The following ESRP1 variants were observed in gnomAD, a reference collection of about 807,000 sequenced individuals.
The protein encoded by ESRP1 is RNA-binding motif protein 35A.
Under a neutral mutation model 81.7 loss-of-function variants are expected in ESRP1, and 33 were observed. That is an observed-to-expected ratio of 0.40 (90% CI 0.31 to 0.54). The LOEUF (loss-of-function observed/expected upper bound fraction) is 0.54. ESRP1 is among the 20% of genes least tolerant of loss of function. ESRP1 has a pLI of 0.41. For missense variants in ESRP1, 672 were observed against 833.1 expected (o/e 0.81, Z 2.38); for synonymous variants, 320 against 303.3 (o/e 1.06, Z -0.57).
In ESRP1 at chr8:94,686,860, A is replaced by C. The variant is rs148333540; in HGVS notation, c.1821-5817A>C. On this transcript the variant is annotated intron_variant, in intron 13 of 15. Coordinates refer to ENST00000433389, the MANE Select transcript of ESRP1 (RefSeq NM_017697.4). ...TCTTTTTTAAGAACTTTTTATTCTT[A>C]TTTGGCGTGCAATTAGAAAATTTCA... Among the ~76,000 whole-genome samples the C allele has an allele frequency of 3.9e-3, 599 of 152,266 alleles. 5 individuals are homozygous for C. Among genetic ancestry groups the C allele is most frequent in the African/African-American group, 0.014 (579 of 41,556 alleles).
chr8:94,642,091 AC>A lies in ESRP1; in HGVS notation c.261+11del. On this transcript the variant is annotated splice_region_variant and intron_variant, in intron 2 of 15. Transcript: ENST00000433389. ...GGACCAAGCCCTCCGACAGGTGACA[AC>A]CCCGGGTCACGCCACCCACCCCAGC... 1.9e-6 allele frequency: 3 copies of A among 1,608,528 alleles called. No individual in the cohort carries two copies. Among genetic ancestry groups the A allele is most frequent in the Non-Finnish European group, 2.5e-6 (3 of 1,179,266 alleles).
At chr8:94,658,275 G>A (rs189957694) in intron 4 of ESRP1, among the ~76,000 whole-genome samples, 4 of 152,270 alleles carry the variant, frequency 2.6e-5, no homozygotes, top group Admixed American at 2.6e-4. Flanking sequence ...GGGTTATTAT[G>A]AGAATTGGAA....
At chr8:94,649,377 T>C (rs915877292) in intron 4 of ESRP1, among the ~76,000 whole-genome samples, 1 of 152,166 alleles carries the variant, frequency 6.6e-6, no homozygotes, top group Non-Finnish European at 1.5e-5. Context: ...TAGGCTTTAT[T>C]TTTTTGAGAT....
intron 15 of ESRP1, among the ~76,000 whole-genome samples, 180 bp downstream of exon 15, chr8:94,697,141 G>A (rs1259477157): frequency 6.6e-6 from 1 of 152,186 alleles, no homozygotes; most frequent in African/African-American, 2.4e-5. Context: ...TAGAATCTAA[G>A]CAACATTAAT....
At chr8:94,648,015 G>A (rs565391421) in intron 4 of ESRP1, among the ~76,000 whole-genome samples, 9 of 152,018 alleles carry the variant, frequency 5.9e-5, no homozygotes, top group Non-Finnish European at 1.3e-4. Flanking sequence ...TTTAACAAAC[G>A]AAAAAGATAA....
Position 94,681,152 on chromosome 8 carries a change from C to T in ESRP1, c.1820+2781C>T, listed in dbSNP as rs973341276. Among the ~76,000 whole-genome samples the T allele has an allele frequency of 4.4e-4, 66 of 150,310 alleles. 1 individual carries two copies. Among genetic ancestry groups the T allele is most frequent in the African/African-American group, 1.6e-3 (64 of 40,464 alleles). ...CATCCTGGCTAACATGGTGAAACCC[C>T]GTCTCTACTAAAAAATACAAAAAAT... is the stretch of plus-strand genomic sequence containing the variant. On this transcript the variant is annotated intron_variant, in intron 13 of 15. Coordinates refer to ENST00000433389, the MANE Select transcript of ESRP1 (RefSeq NM_017697.4).
intron 14 of ESRP1, among the ~76,000 whole-genome samples, chr8:94,695,008 C>G (rs1019126139): frequency 6.6e-6 from 1 of 152,178 alleles, no homozygotes; most frequent in South Asian, 2.1e-4. Flanking sequence ...ATCTTTATAC[C>G]TAACCCAAGT....
chr8:94,674,212 T>G (rs1819479260), intron 11 of ESRP1, 96 bp from the exon 12 acceptor site: 1 of 1,364,010 alleles, frequency 7.3e-7, no homozygotes, highest in South Asian at 1.3e-5. Flanking sequence ...ATATCTGTAT[T>G]ATGGGTGATT....
At chr8:94,651,239 C>CTTT (rs35413910) in intron 4 of ESRP1, among the ~76,000 whole-genome samples, 56 of 102,730 alleles carry the variant, frequency 5.5e-4, no homozygotes, top group African/African-American at 1.2e-3. Flanking sequence ...ATAGTGTGGT[C>CTTT]TTTTTTTTTT....
chr8:94,697,433 A>G (rs921111309), intron 15 of ESRP1, among the ~76,000 whole-genome samples: 2 of 152,076 alleles, frequency 1.3e-5, no homozygotes, highest in African/African-American at 2.4e-5. Flanking sequence ...TTCTGTCTCT[A>G]TGGATTTGGC....
At chr8:94,694,931 T>C (rs999859407) in intron 14 of ESRP1, among the ~76,000 whole-genome samples, 1 of 152,230 alleles carries the variant, frequency 6.6e-6, no homozygotes. Flanking sequence ...ATTCAACGTA[T>C]CAAATTATTC....
At chr8:94,674,255 C>T (rs1819481115) in intron 11 of ESRP1, 53 bp from the exon 12 acceptor site, 2 of 1,559,480 alleles carry the variant, frequency 1.3e-6, no homozygotes, top group Non-Finnish European at 1.7e-6. Context: ...CAACCATTTC[C>T]TTGTTGAAGG....
At chr8:94,676,499 T>TTTTTG (rs551633744) in intron 12 of ESRP1, among the ~76,000 whole-genome samples, 2 of 152,092 alleles carry the variant, frequency 1.3e-5, no homozygotes, top group African/African-American at 2.4e-5. Flanking sequence ...GTGTGGTTTT[T>TTTTTG]TTTTGTTTTG....
At position 94,642,059 on chromosome 8, in the gene ESRP1, C is replaced by T. The variant is rs1281110527; in HGVS notation, c.236C>T (p.Ser79Leu). The part of the protein sequence containing the change: ...KIDVESLSSA[S>L]QLDQALRQFN... ...GACGTCGAAAGCCTGTCCTCGGCGTCGCAGCTGGACCAAGCCCTCCGACAG... is the reference window on the plus strand; with the variant it reads ...GACGTCGAAAGCCTGTCCTCGGCGTTGCAGCTGGACCAAGCCCTCCGACAG... Residue 79 changes from serine (S) to leucine (L), a missense_variant, in exon 2 of 16, where the codon TCG becomes TTG. Physicochemically the swap from Ser to Leu is moderately radical, Grantham distance 145. Coordinates refer to ENST00000433389, the MANE Select transcript of ESRP1 (RefSeq NM_017697.4). The T allele has an allele frequency of 3.1e-6, 5 of 1,612,868 alleles. No individual in the cohort carries two copies. Among genetic ancestry groups the T allele is most frequent in the Non-Finnish European group, 4.2e-6 (5 of 1,179,860 alleles).
At position 94,645,075 on chromosome 8, in the gene ESRP1, T is replaced by C. The variant is rs1264591573; in HGVS notation, c.376-1093T>C. Among the ~76,000 whole-genome samples the C allele has an allele frequency of 2.6e-5, 4 of 152,172 alleles. 1 individual carries two copies. In the South Asian group the frequency reaches 6.2e-4, roughly 24 times the overall value. ...TGATTATTGTTGAACATGTGAGTTA[T>C]TGTCCTTACAAATAGCTTTTAAATG... On this transcript the variant is annotated intron_variant, in intron 3 of 15. Coordinates refer to ENST00000433389, the MANE Select transcript of ESRP1 (RefSeq NM_017697.4).
At chr8:94,657,472 C>CGTGT (rs9297944) in intron 4 of ESRP1, among the ~76,000 whole-genome samples, 39,567 of 145,930 alleles carry the variant, frequency 0.27, 5,454 homozygotes, top group South Asian at 0.3. Flanking sequence ...AGGCTGTGTG[C>CGTGT]GTGTGTGTGT....
At chr8:94,646,028 A>G in intron 3 of ESRP1, 140 bp from the exon 4 acceptor site, 1 of 537,986 alleles carries the variant, frequency 1.9e-6, no homozygotes. Context: ...CCAACTTTTA[A>G]AAATAAATCT....
chr8:94,643,523 T>G (rs1298333282), intron 3 of ESRP1, 107 bp downstream of exon 3: 1 of 644,226 alleles, frequency 1.6e-6, no homozygotes, highest in Non-Finnish European at 2.7e-6. Context: ...AAAAGATGCA[T>G]ATAGGGAGTT....
At position 94,701,094 on chromosome 8, in the gene ESRP1, G is replaced by A. The variant is rs545515150; in HGVS notation, c.*35+4133G>A. Reference sequence around the variant, plus strand: ...TCGAGACCAGTCTGGCCAACGTGGCGAAACCCTGTCTTTACTAAAAATAGA... The same window carrying A: ...TCGAGACCAGTCTGGCCAACGTGGCAAAACCCTGTCTTTACTAAAAATAGA... On this transcript the variant is annotated intron_variant, in intron 15 of 15. Coordinates refer to ENST00000433389, the MANE Select transcript of ESRP1 (RefSeq NM_017697.4). 5.9e-5 allele frequency among the ~76,000 whole-genome samples: 9 copies of A among 151,426 alleles called. No individual in the cohort carries two copies. The East Asian group carries it at 9.8e-4, about 16-fold the overall frequency.
Sources: allele counts gnomAD v4.1 joint callset (sites outside exome capture counted in the v4.1 genomes callset), GRCh38; gene constraint gnomAD v4.1.1; transcripts MANE v1.5; gene names NCBI Gene and HGNC (gene_info 2026-07-23, HGNC 2026-07-21).